Variants in IMPG1 observed in about 807,000 individuals in gnomAD.
IMPG1 encodes interphotoreceptor matrix proteoglycan 1, also known as interphotoreceptor matrix proteoglycan of 150 kDa.
Under a neutral mutation model 92.0 loss-of-function variants are expected in IMPG1, and 85 were observed. That is an observed-to-expected ratio of 0.92 (90% CI 0.78 to 1.11). IMPG1 has a LOEUF of 1.11. Among genes scored for constraint, IMPG1 ranks in the 50% least tolerant of loss-of-function variants. The pLI, the probability that IMPG1 is intolerant of heterozygous loss-of-function variation, is 0.00. For missense variants in IMPG1, 1,022 were observed against 956.0 expected, an observed-to-expected ratio of 1.07 and a Z score of -0.91; for synonymous variants, 367 against 334.1, an observed-to-expected ratio of 1.10 and a Z score of -1.08.
Position 76,005,422 on chromosome 6 carries a change from C to T in IMPG1, c.1000G>A (p.Glu334Lys), listed in dbSNP as rs769205953. ...SFDSNKIESEEVYHGTMEEDK... is the reference protein window; with the variant it reads ...SFDSNKIESEKVYHGTMEEDK... ...TCCTCCATGGTTCCATGATAGACTTCCTCACTTTCAATTTTGTTGGAATCA... is the reference window on the plus strand; with the variant it reads ...TCCTCCATGGTTCCATGATAGACTTTCTCACTTTCAATTTTGTTGGAATCA... Residue 334 changes from glutamate (E) to lysine (K), a missense_variant, in exon 10 of 17, where the codon GAA becomes AAA. Physicochemically the swap from Glu to Lys is moderately conservative, Grantham distance 56. This residue lies in a region of IMPG1 where 681 missense variants were observed against 583.6 expected (regional missense o/e 1.17). Transcript: ENST00000369950. 7.4e-6 allele frequency: 12 copies of T among 1,614,072 alleles called. No homozygotes were observed. In the East Asian group the frequency reaches 2.5e-4, roughly 33 times the overall value.
chr6:76,012,924 C>T, intron 7 of IMPG1, among the ~76,000 whole-genome samples: 1 of 152,094 alleles, frequency 6.6e-6, no homozygotes, highest in East Asian at 1.9e-4. Flanking sequence ...CGCAGCATCC[C>T]TAGATACCTT....
At chr6:75,944,539 C>G (rs960723879) in intron 14 of IMPG1, among the ~76,000 whole-genome samples, 4 of 152,210 alleles carry the variant, frequency 2.6e-5, no homozygotes, top group Non-Finnish European at 4.4e-5. Context: ...ACAAGCATCA[C>G]TATGTCCTAA....
intron 1 of IMPG1, among the ~76,000 whole-genome samples, chr6:76,051,302 C>T (rs906400348): frequency 4.6e-5 from 7 of 152,166 alleles, no homozygotes; most frequent in Admixed American, 2.6e-4. Flanking sequence ...AAATACAAAT[C>T]GTGCTTAACA....
intron 6 of IMPG1, among the ~76,000 whole-genome samples, chr6:76,020,839 C>T (rs919691771): frequency 6.6e-6 from 1 of 152,156 alleles, no homozygotes; most frequent in Non-Finnish European, 1.5e-5. Context: ...GTGTGACTTA[C>T]TTTCCAATCT....
rs1411015780 is a variant in IMPG1 at position 75,947,523 on chromosome 6, T to C, written c.1835A>G (p.Tyr612Cys). The C allele has an allele frequency of 6.2e-7, 1 of 1,612,626 alleles. No individual in the cohort carries two copies. The highest frequency in any genetic ancestry group is 8.5e-7 in the Non-Finnish European group (1 of 1,178,962). Residue 612 changes from tyrosine to cysteine, a missense_variant, in exon 14 of 17, where the codon TAT becomes TGT. Transcript: ENST00000369950. ...AAATCCTGTAAGATTGGATCGTAGA[T>C]ATGGAACCAGCTGCAAAATAAAAGA... ...EQQFTQLLVP[Y>C]LRSNLTGFKQ...
chr6:76,058,230 A>G (rs748524664), intron 1 of IMPG1, among the ~76,000 whole-genome samples: 8 of 152,180 alleles, frequency 5.3e-5, no homozygotes, highest in Admixed American at 1.3e-4. Context: ...TAGCAAAGAC[A>G]TGAATTCATT....
At position 75,939,571 on chromosome 6, in the gene IMPG1, G is replaced by T. The variant is rs550312364; in HGVS notation, c.2044+7743C>A. 2.7e-4 allele frequency among the ~76,000 whole-genome samples: 41 copies of T among 152,314 alleles called. 1 individual carries two copies. The South Asian group carries it at 8.3e-3, about 31-fold the overall frequency. On this transcript the variant is annotated intron_variant, in intron 14 of 16. Coordinates refer to ENST00000369950, the MANE Select transcript of IMPG1 (RefSeq NM_001563.4). ...CTGCATAGTATTCCATGGTGTATAT[G>T]TGCCACATTTTCTTAATCCAGTCTA...
chr6:76,027,629 C>G (rs1445694725), intron 4 of IMPG1, among the ~76,000 whole-genome samples: 2 of 152,172 alleles, frequency 1.3e-5, no homozygotes, highest in Non-Finnish European at 2.9e-5. Context: ...GGAAATTACT[C>G]TTGCAGAAGA....
At chr6:75,991,818 C>T (rs1304212462) in intron 12 of IMPG1, among the ~76,000 whole-genome samples, 1 of 152,140 alleles carries the variant, frequency 6.6e-6, no homozygotes, top group Non-Finnish European at 1.5e-5. Context: ...TGAATTGTGA[C>T]TTGATTTTGT....
chr6:76,043,877 G>T, intron 1 of IMPG1, among the ~76,000 whole-genome samples: 1 of 152,224 alleles, frequency 6.6e-6, no homozygotes. Context: ...AAATTCCCCT[G>T]ATGATGGCCA....
intron 2 of IMPG1, among the ~76,000 whole-genome samples, chr6:76,037,853 C>T (rs546737035): frequency 5.3e-5 from 8 of 152,274 alleles, no homozygotes; most frequent in Admixed American, 1.3e-4. Flanking sequence ...TGTGAAACAT[C>T]GGGGAAGATA....
chr6:75,995,539 C>T (rs1782883804), intron 12 of IMPG1, among the ~76,000 whole-genome samples: 1 of 152,130 alleles, frequency 6.6e-6, no homozygotes, highest in South Asian at 2.1e-4. Context: ...TTTTTGCCTT[C>T]TTGTCGTTCA....
At chr6:75,958,229 G>C (rs1782160849) in intron 12 of IMPG1, among the ~76,000 whole-genome samples, 1 of 152,142 alleles carries the variant, frequency 6.6e-6, no homozygotes, top group Non-Finnish European at 1.5e-5. Context: ...ACTCTCTTCT[G>C]GCTTGTAGCT....
chr6:75,929,717 AAAG>A lies in IMPG1; in HGVS notation c.2243+1233_2243+1235del, dbSNP rs565941966. On this transcript the variant is annotated intron_variant, in intron 15 of 16. Transcript: ENST00000369950. The stretch of plus-strand genomic sequence containing the variant: ...AGTATAATAATAATAAAATTAAAAA[AAAG>A]AAAAACGGGAAATAAAATAAAATTA... Among the ~76,000 whole-genome samples, 1,027 of 151,922 alleles carry A rather than the reference AAAG, an allele frequency of 6.8e-3. 7 individuals carry two copies. The highest frequency in any genetic ancestry group is 0.012 in the Admixed American group (178 of 15,282).
intron 9 of IMPG1, among the ~76,000 whole-genome samples, chr6:76,006,005 T>A (rs1783090370): frequency 6.6e-6 from 1 of 152,028 alleles, no homozygotes; most frequent in Non-Finnish European, 1.5e-5. Flanking sequence ...AATTTTAAAT[T>A]TTTTTGTAGA....
chr6:76,016,472 T>C (rs968344740), intron 7 of IMPG1, among the ~76,000 whole-genome samples: 11 of 152,260 alleles, frequency 7.2e-5, no homozygotes, highest in Non-Finnish European at 1.3e-4. Flanking sequence ...TAATAATCCA[T>C]GTCTGAGTAG....
intron 12 of IMPG1, among the ~76,000 whole-genome samples, chr6:75,959,049 A>C (rs1474362438): frequency 6.6e-6 from 1 of 152,100 alleles, no homozygotes; most frequent in Admixed American, 6.6e-5. Flanking sequence ...GGTGACATTC[A>C]GATGGGGTTT....
chr6:76,017,815 C>G (rs1349791263), intron 7 of IMPG1, among the ~76,000 whole-genome samples: 1 of 152,152 alleles, frequency 6.6e-6, no homozygotes, highest in East Asian at 1.9e-4. Context: ...TGAAGTGGCA[C>G]GATCTTGGCT....
chr6:76,015,445 T>G (rs1783267775), intron 7 of IMPG1, among the ~76,000 whole-genome samples: 1 of 152,148 alleles, frequency 6.6e-6, no homozygotes, highest in Admixed American at 6.5e-5. Flanking sequence ...CAGGGGTCTC[T>G]GGAACAAGAT....
Sources: allele counts gnomAD v4.1 joint callset (sites outside exome capture counted in the v4.1 genomes callset), GRCh38; gene constraint gnomAD v4.1.1; regional missense constraint gnomAD v4.1.1; transcripts MANE v1.5; gene names NCBI Gene and HGNC (gene_info 2026-07-23, HGNC 2026-07-21).